The following FCRL2 variants were observed in gnomAD, a reference collection of about 807,000 sequenced individuals.
FCRL2 encodes the protein Fc receptor-like protein 2.
FCRL2 carries 48 observed loss-of-function variants against 59.8 expected under a neutral mutation model. That is an observed-to-expected ratio of 0.80 (90% CI 0.64 to 1.02). The LOEUF is 1.02. Ranked by LOEUF, FCRL2 falls within the 50% of genes least tolerant of loss-of-function variation. The probability of loss-of-function intolerance (pLI) is 0.00; values close to 1 mark genes in which losing one functional copy is unlikely to be tolerated. For missense variants in FCRL2, 658 were observed against 597.3 expected, an observed-to-expected ratio of 1.10 and a Z score of -1.06; for synonymous variants, 251 against 229.5, an observed-to-expected ratio of 1.09 and a Z score of -0.85.
At chr1:157,752,448 C>A (rs1180177842) in intron 7 of FCRL2, among the ~76,000 whole-genome samples, 1 of 152,202 alleles carries the variant, frequency 6.6e-6, no homozygotes, top group East Asian at 1.9e-4. Context: ...TCCAATTAAA[C>A]CTCTTTCGTT....
chr1:157,764,991 T>C (rs373390967), intron 7 of FCRL2, among the ~76,000 whole-genome samples: 80 of 151,988 alleles, frequency 5.3e-4, no homozygotes, highest in African/African-American at 1.8e-3. Context: ...CTAAATTAAA[T>C]AGAGACTAAA....
At chr1:157,754,264 A>G (rs760294616) in intron 7 of FCRL2, among the ~76,000 whole-genome samples, 3 of 152,280 alleles carry the variant, frequency 2.0e-5, no homozygotes, top group Middle Eastern at 3.4e-3. Flanking sequence ...AGCCAGCAGA[A>G]ACCCACCAAA....
chr1:157,753,872 G>A (rs775859686), intron 7 of FCRL2, among the ~76,000 whole-genome samples: 18 of 152,054 alleles, frequency 1.2e-4, no homozygotes, highest in Non-Finnish European at 2.2e-4. Context: ...CAGAGTTTTA[G>A]GAGCTCAGGG....
chr1:157,747,501 G>A (rs1219477305), intron 10 of FCRL2, among the ~76,000 whole-genome samples: 1 of 152,056 alleles, frequency 6.6e-6, no homozygotes, highest in Non-Finnish European at 1.5e-5. Flanking sequence ...AGAATGATAG[G>A]GTAATCAACT....
chr1:157,771,382 C>T (rs1320860034), intron 2 of FCRL2, among the ~76,000 whole-genome samples: 1 of 152,146 alleles, frequency 6.6e-6, no homozygotes, highest in Non-Finnish European at 1.5e-5. Context: ...AAATTCAGGT[C>T]CCATCCCCTC....
intron 2 of FCRL2, among the ~76,000 whole-genome samples, chr1:157,773,793 C>G (rs1026061083): frequency 3.9e-5 from 6 of 152,274 alleles, no homozygotes; most frequent in African/African-American, 1.4e-4. Context: ...GGGAGGGCAA[C>G]AAGTCCCAAA....
chr1:157,758,680 CAAAAA>C (rs59716565), intron 7 of FCRL2, among the ~76,000 whole-genome samples: 1 of 55,402 alleles, frequency 1.8e-5, no homozygotes, highest in African/African-American at 6.8e-5. Flanking sequence ...CAGTCCCAAG[CAAAAA>C]AAAAAAAAAA....
intron 2 of FCRL2, among the ~76,000 whole-genome samples, 190 bp downstream of exon 2, chr1:157,775,585 T>A (rs1223042128): frequency 1.3e-5 from 2 of 152,246 alleles, no homozygotes; most frequent in Non-Finnish European, 2.9e-5. Context: ...GAAGGCTAGG[T>A]GGTACCTGGT....
rs1405222424 is a variant in FCRL2, at chr1:157,748,921, T to C, written c.1347A>G (p.Ser449=). 2 of 1,613,850 alleles carry C rather than the reference T, an allele frequency of 1.2e-6. No homozygotes were observed. The highest frequency in any genetic ancestry group is 1.3e-5 in the African/African-American group (1 of 74,902). The part of the protein sequence containing the change: ...SRPNPQEFTY[S]SPTPDMEELQ... Reference sequence around the variant, plus strand: ...GCTCCTCCATGTCTGGGGTTGGGCTTGAATAGGTGAACTCTTGAGGATTTG... The same window carrying C: ...GCTCCTCCATGTCTGGGGTTGGGCTCGAATAGGTGAACTCTTGAGGATTTG... The change falls in exon 9 of 12, where the codon TCA becomes TCG. Residue 449 remains serine, a synonymous_variant. Transcript: ENST00000361516.
Position 157,746,640 on chromosome 1 carries a change from A to G in FCRL2, c.*96T>C. The G allele has an allele frequency of 1.6e-6, 2 of 1,251,352 alleles. No homozygotes were observed. Among genetic ancestry groups the G allele is most frequent in the East Asian group, 2.4e-5 (1 of 42,264 alleles). 77.5% of individuals were successfully genotyped at this position (1,251,352 alleles called of 1,614,324 possible). On this transcript the variant is annotated 3_prime_UTR_variant, in exon 12 of 12. Coordinates refer to ENST00000361516, the MANE Select transcript of FCRL2 (RefSeq NM_030764.4). ...TCCTGAGGCACGTTCTGGCTGTGGC[A>G]GGTGATAAGCCTCAAGCATTTTCAT...
intron 8 of FCRL2, 144 bp downstream of exon 8, chr1:157,749,506 G>T: frequency 3.5e-6 from 2 of 574,276 alleles, no homozygotes; most frequent in Non-Finnish European, 3.1e-6. Context: ...ATGTAATGCA[G>T]TAGAGACAAG....
chr1:157,767,369 C>A lies in FCRL2; in HGVS notation c.1024G>T (p.Gly342Trp). 6.2e-7 allele frequency: 1 copy of A among 1,614,198 alleles called. No individual in the cohort carries two copies. The highest frequency in any genetic ancestry group is 2.2e-5 in the East Asian group (1 of 44,868). ...CCTCCAGAGGGGGCCGAGCTGTTCC[C>A]AAGGGTGACATCCTCATGATAAAAT... ...YQFYHEDVTL[G>W]NSSAPSGGGA... The change falls in exon 6 of 12, where the codon GGG becomes TGG. Residue 342 changes from glycine (G) to tryptophan (W), a missense_variant. Gly to Trp is a radical substitution (Grantham distance 184). Coordinates refer to ENST00000361516, the MANE Select transcript of FCRL2 (RefSeq NM_030764.4).
chr1:157,766,822 C>G, intron 7 of FCRL2, 33 bp downstream of exon 7: 10 of 1,613,686 alleles, frequency 6.2e-6, no homozygotes, highest in Non-Finnish European at 8.5e-7. Context: ...AAGGTCATAG[C>G]AAAATATGGA....
At chr1:157,774,241 C>T (rs1442082731) in intron 2 of FCRL2, among the ~76,000 whole-genome samples, 1 of 152,206 alleles carries the variant, frequency 6.6e-6, no homozygotes, top group Admixed American at 6.5e-5. Context: ...TTTTCAGCTG[C>T]TCTGCTGAAT....
chr1:157,769,648 C>G (rs1649825062), intron 4 of FCRL2: 2 of 473,892 alleles, frequency 4.2e-6, no homozygotes, highest in Admixed American at 6.6e-5. Flanking sequence ...AGGATGGTCT[C>G]TATCTCCTGA....
At chr1:157,757,063 T>C (rs1648642200) in intron 7 of FCRL2, among the ~76,000 whole-genome samples, 1 of 152,236 alleles carries the variant, frequency 6.6e-6, no homozygotes, top group African/African-American at 2.4e-5. Context: ...TGTTTTGCAG[T>C]GTGACTCTGT....
At chr1:157,767,899 G>T in intron 5 of FCRL2, 1 of 421,364 alleles carries the variant, frequency 2.4e-6, no homozygotes. Flanking sequence ...ATATATTTAG[G>T]TATGTTTATT....
At chr1:157,760,754 A>G (rs6671382) in intron 7 of FCRL2, among the ~76,000 whole-genome samples, 1 of 147,912 alleles carries the variant, frequency 6.8e-6, no homozygotes, top group Admixed American at 6.7e-5. Flanking sequence ...AAAGAAAGAA[A>G]GAAGAAAGAA....
chr1:157,764,029 CAA>C lies in FCRL2; in HGVS notation c.1279+2824_1279+2825del, dbSNP rs34230382. On this transcript the variant is annotated intron_variant, in intron 7 of 11. Transcript: ENST00000361516. ...TGGGTGATAGTGCGAGACTTCATCT[CAA>C]AAAAAAAAAAAAAAAAGCAAAAAAT... 1.9e-3 allele frequency among the ~76,000 whole-genome samples: 195 copies of C among 103,214 alleles called. 1 individual carries two copies. Among genetic ancestry groups the C allele is most frequent in the Admixed American group, 3.6e-3 (38 of 10,444 alleles). The allele number at this position is 103,214 out of a possible 152,430, so 67.7% of individuals were successfully genotyped here. A position where few individuals can be genotyped will look rare whatever the true frequency, so the allele number is the denominator to read the frequency against.
Sources: allele counts gnomAD v4.1 joint callset (sites outside exome capture counted in the v4.1 genomes callset), GRCh38; gene constraint gnomAD v4.1.1; transcripts MANE v1.5; gene names NCBI Gene and HGNC (gene_info 2026-07-23, HGNC 2026-07-21).